NBEA: variants seen among roughly 807,000 people sequenced by gnomAD.
NBEA encodes the protein lysosomal-trafficking regulator 2.
Under a neutral mutation model 343.4 loss-of-function variants are expected in NBEA, and 44 were observed. The ratio of observed to expected loss-of-function variants is 0.13; its 90% CI spans 0.10 to 0.16. The LOEUF (loss-of-function observed/expected upper bound fraction) is 0.16, where lower values mean the gene tolerates loss of function less well. Among genes scored for constraint, NBEA ranks in the 10% least tolerant of loss-of-function variants. The pLI is 1.00. For synonymous variants in NBEA, 1,175 were observed against 1,238.7 expected (o/e 0.95, Z 1.08); for missense variants, 2,555 against 3,631.3 (o/e 0.70, Z 7.62).
At chr13:35,640,395 A>G (rs1411831375) in intron 49 of NBEA, among the ~76,000 whole-genome samples, 1 of 152,194 alleles carries the variant, frequency 6.6e-6, no homozygotes, top group Non-Finnish European at 1.5e-5. Flanking sequence ...AAATGGATGA[A>G]TTACAAAAGG....
rs185661599 is a variant in NBEA at position 35,117,363 on chromosome 13, A to G, written c.2003-51A>G. ...TATCCCAAGATAATTGCATTTAGCT[A>G]ATTTAATATCTTGTATTTTTTATTT... On this transcript the variant is annotated intron_variant, in intron 13 of 58. Transcript: ENST00000379939. 3.9e-3 allele frequency: 3,633 copies of G among 935,440 alleles called. 18 individuals are homozygous for G. Among genetic ancestry groups the G allele is most frequent in the Non-Finnish European group, 4.0e-3 (2,776 of 696,376 alleles). 57.9% of individuals were successfully genotyped at this position (935,440 alleles called of 1,614,324 possible). A position where few individuals can be genotyped will look rare whatever the true frequency, so the allele number is the denominator to read the frequency against.
intron 56 of NBEA, among the ~76,000 whole-genome samples, chr13:35,666,196 G>GT (rs2085345536): frequency 6.6e-6 from 1 of 151,982 alleles, no homozygotes; most frequent in Non-Finnish European, 1.5e-5. Context: ...AACTATTGAA[G>GT]TTTTTTAATC....
chr13:35,264,308 C>G (rs947771178), intron 34 of NBEA, among the ~76,000 whole-genome samples: 1 of 151,824 alleles, frequency 6.6e-6, no homozygotes, highest in Non-Finnish European at 1.5e-5. Context: ...GATGGCTTTT[C>G]TGATGAGTTC....
intron 38 of NBEA, among the ~76,000 whole-genome samples, chr13:35,359,136 CA>C (rs997072229): frequency 4.6e-5 from 7 of 152,144 alleles, no homozygotes; most frequent in African/African-American, 1.7e-4. Flanking sequence ...AGGAGAATAA[CA>C]TGATCTGATT....
chr13:35,360,627 GAATA>G (rs1400628325), intron 38 of NBEA, among the ~76,000 whole-genome samples: 1 of 151,834 alleles, frequency 6.6e-6, no homozygotes, highest in East Asian at 1.9e-4. Flanking sequence ...CTTTTTAAAT[GAATA>G]GACTGATAGA....
chr13:35,305,218 C>T (rs2152829014), intron 35 of NBEA, among the ~76,000 whole-genome samples: 1 of 152,198 alleles, frequency 6.6e-6, no homozygotes, highest in Non-Finnish European at 1.5e-5. Flanking sequence ...ACTAAATTTC[C>T]CCCAAACTTT....
intron 14 of NBEA, among the ~76,000 whole-genome samples, chr13:35,117,865 T>C (rs538296623): frequency 2.0e-5 from 3 of 152,128 alleles, no homozygotes; most frequent in Non-Finnish European, 4.4e-5. Flanking sequence ...TGAAAATAAA[T>C]ATAAATTGTG....
chr13:35,025,744 C>T (rs1197926429), intron 1 of NBEA, among the ~76,000 whole-genome samples: 1 of 152,122 alleles, frequency 6.6e-6, no homozygotes, highest in Non-Finnish European at 1.5e-5. Context: ...TCTCACTTGT[C>T]TCTCACTAGT....
At position 35,570,010 on chromosome 13, in the gene NBEA, T is replaced by TTTTG. The variant is rs373116287; in HGVS notation, c.7035+3018_7035+3021dup. On this transcript the variant is annotated intron_variant, in intron 45 of 58. Coordinates refer to ENST00000379939, the MANE Select transcript of NBEA (RefSeq NM_001385012.1). ...AACTGAAGATATAAACATTTCAAGG[T>TTTTG]TTTGTTTGTTTGTTTGTTTGTTTGT... is the stretch of plus-strand genomic sequence containing the variant. Among the ~76,000 whole-genome samples the TTTTG allele has an allele frequency of 8.5e-3, 1,295 of 152,056 alleles. 55 individuals are homozygous for TTTTG. Among genetic ancestry groups the TTTTG allele is most frequent in the Admixed American group, 0.073 (1,115 of 15,270 alleles).
chr13:35,668,636 C>A, intron 58 of NBEA, 117 bp downstream of exon 58: 2 of 1,066,312 alleles, frequency 1.9e-6, no homozygotes, highest in South Asian at 2.5e-5. Context: ...GAAAGAAAGA[C>A]TGGCAAAGAA....
At chr13:35,062,619 G>A (rs1369192864) in intron 8 of NBEA, among the ~76,000 whole-genome samples, 1 of 151,700 alleles carries the variant, frequency 6.6e-6, no homozygotes, top group East Asian at 1.9e-4. Flanking sequence ...ATTGATAAGG[G>A]AACAATAATT....
chr13:35,559,912 C>G (rs2079777209), intron 44 of NBEA, among the ~76,000 whole-genome samples: 1 of 124,180 alleles, frequency 8.1e-6, no homozygotes, highest in African/African-American at 3.1e-5. Context: ...GCCTGGGCGA[C>G]AGAGCGAGAC....
chr13:35,516,987 T>C (rs188051464), intron 41 of NBEA, among the ~76,000 whole-genome samples: 1 of 152,332 alleles, frequency 6.6e-6, no homozygotes, highest in African/African-American at 2.4e-5. Context: ...GTTCTTTCAA[T>C]TACTACATAC....
rs1223623118 is a variant in NBEA, at chr13:35,360,062, A to C, written c.6179+7739A>C. 1.1e-4 allele frequency among the ~76,000 whole-genome samples: 17 copies of C among 152,148 alleles called. No homozygotes were observed. The East Asian group carries it at 3.3e-3, about 29-fold the overall frequency. On this transcript the variant is annotated intron_variant, in intron 38 of 58. Transcript: ENST00000379939. ...AAAAATGTGAGATTCATAGAGATCA[A>C]ATGTCTTGCCCTGTATTACACAGCT...
chr13:35,290,424 G>A lies in NBEA; in HGVS notation c.5812G>A (p.Glu1938Lys). The A allele has an allele frequency of 6.2e-7, 1 of 1,607,314 alleles. No homozygotes were observed. The highest frequency in any genetic ancestry group is 8.5e-7 in the Non-Finnish European group (1 of 1,175,368). ...VCMKSSTSVV[E>K]LVMLLCSQEW... ...TATGAAGTCCAGCACATCTGTGGTTGAGCTTGTTATGCTGCTTTGTTCTCA... is the reference window on the plus strand; with the variant it reads ...TATGAAGTCCAGCACATCTGTGGTTAAGCTTGTTATGCTGCTTTGTTCTCA... The change falls in exon 35 of 59, where the codon GAG (glutamate) becomes AAG (lysine). Residue 1938 changes from glutamate to lysine, a missense_variant. Transcript: ENST00000379939.
chr13:35,097,934 A>T (rs1452414540), intron 10 of NBEA, among the ~76,000 whole-genome samples: 1 of 152,130 alleles, frequency 6.6e-6, no homozygotes, highest in African/African-American at 2.4e-5. Context: ...ATTCAAAAGA[A>T]TAGTATGATA....
chr13:35,452,572 G>T (rs1383769722), intron 40 of NBEA, among the ~76,000 whole-genome samples: 1 of 152,128 alleles, frequency 6.6e-6, no homozygotes, highest in Non-Finnish European at 1.5e-5. Flanking sequence ...TGATTTACGT[G>T]TATCTCCAAC....
chr13:35,263,495 A>T (rs1836411629), intron 34 of NBEA, among the ~76,000 whole-genome samples: 1 of 152,120 alleles, frequency 6.6e-6, no homozygotes, highest in African/African-American at 2.4e-5. Context: ...TCCCCAATCC[A>T]CATGGAGCAT....
intron 17 of NBEA, among the ~76,000 whole-genome samples, chr13:35,127,751 A>G (rs1460528566): frequency 6.6e-6 from 1 of 152,144 alleles, no homozygotes; most frequent in African/African-American, 2.4e-5. Flanking sequence ...AGTTAAAAAG[A>G]TAAGCAGTTC....
Sources: gnomAD v4.1 joint callset for allele counts (sites outside exome capture counted in the v4.1 genomes callset) on GRCh38, gnomAD v4.1.1 for gene constraint, MANE v1.5 for transcripts, NCBI Gene and HGNC (gene_info 2026-07-23, HGNC 2026-07-21) for gene names.